The following MRPL45 variants were observed in gnomAD, a reference collection of about 807,000 sequenced individuals.
MRPL45 encodes large ribosomal subunit protein mL45.
In MRPL45, 20 loss-of-function variants were observed where a neutral mutation model predicts 38.1. The ratio of observed to expected loss-of-function variants is 0.53; its 90% CI spans 0.37 to 0.76. MRPL45 has a LOEUF of 0.76. MRPL45 is among the 30% of genes least tolerant of loss of function. The pLI is 0.00. For synonymous variants in MRPL45, 105 were observed against 128.8 expected (o/e 0.82, Z 1.25); for missense variants, 337 against 395.6 (o/e 0.85, Z 1.26).
chr17:38,314,300 C>T (rs2037153794), intron 4 of MRPL45, among the ~76,000 whole-genome samples: 1 of 152,116 alleles, frequency 6.6e-6, no homozygotes, highest in Non-Finnish European at 1.5e-5. Context: ...GACAGGGTTT[C>T]ACCATGTTGG....
chr17:38,299,548 G>T (rs1328861771), intron 3 of MRPL45, 80 bp downstream of exon 3: 2 of 1,114,974 alleles, frequency 1.8e-6, no homozygotes, highest in Non-Finnish European at 2.5e-6. Context: ...GACCTTTTTG[G>T]GTTAATTGGG....
chr17:38,314,996 C>T (rs535273874), intron 4 of MRPL45, among the ~76,000 whole-genome samples: 1 of 152,234 alleles, frequency 6.6e-6, no homozygotes, highest in Non-Finnish European at 1.5e-5. Context: ...TCACAGATTA[C>T]AGTTTTATAC....
At chr17:38,313,333 CATATATATATAT>C (rs1555562014) in intron 4 of MRPL45, among the ~76,000 whole-genome samples, 3 of 17,254 alleles carry the variant, frequency 1.7e-4, no homozygotes, top group African/African-American at 6.8e-4. Flanking sequence ...TATATATATA[CATATATATATAT>C]ACGTATATAT....
intron 3 of MRPL45, among the ~76,000 whole-genome samples, chr17:38,305,201 G>T (rs961487534): frequency 0.011 from 1,470 of 131,490 alleles, 31 homozygotes; most frequent in African/African-American, 0.036. Context: ...AGGTGCCATG[G>T]CTCAGGCCTG....
intron 4 of MRPL45, among the ~76,000 whole-genome samples, chr17:38,307,100 C>T (rs1416144869): frequency 5.3e-5 from 8 of 151,972 alleles, no homozygotes; most frequent in Non-Finnish European, 1.2e-4. Flanking sequence ...ATGGCGCAAT[C>T]TTGGCTCTCT....
intron 1 of MRPL45, among the ~76,000 whole-genome samples, chr17:38,297,824 G>C (rs1209105821): frequency 6.6e-6 from 1 of 152,182 alleles, no homozygotes; most frequent in East Asian, 1.9e-4. Context: ...AGGGCCCGGC[G>C]CGGTGGTTCA....
At chr17:38,317,674 C>T (rs929740403) in intron 4 of MRPL45, among the ~76,000 whole-genome samples, 5 of 151,946 alleles carry the variant, frequency 3.3e-5, no homozygotes, top group Admixed American at 6.6e-5. Context: ...CGGGTTCATG[C>T]CATTCTCCTG....
rs2144225686 is a variant in MRPL45, at chr17:38,313,243, A to G, written c.462-5444A>G. Among the ~76,000 whole-genome samples, 3 of 146,710 alleles carry G rather than the reference A, an allele frequency of 2.0e-5. No homozygotes were observed. In the Middle Eastern group the frequency reaches 0.011, roughly 520 times the overall value. ...CGTGATCCACCCGCCTTGGCCTCCCAAAGTGCTGGGATTACAGGCGTGAGC... is the reference window on the plus strand; with the variant it reads ...CGTGATCCACCCGCCTTGGCCTCCCGAAGTGCTGGGATTACAGGCGTGAGC... On this transcript the variant is annotated intron_variant, in intron 4 of 7. Coordinates refer to ENST00000613675, the MANE Select transcript of MRPL45 (RefSeq NM_032351.6).
In MRPL45 at chr17:38,320,662, T is replaced by C. The variant is rs1309553623; in HGVS notation, c.555T>C (p.Phe185=). ...DIKYKTVRWS[F]VESLEPSHVV... Reference sequence around the variant, plus strand: ...AATATAAGACCGTCCGCTGGAGCTTTGTGGAATCTTTAGAGCCCTCTCATG... The same window carrying C: ...AATATAAGACCGTCCGCTGGAGCTTCGTGGAATCTTTAGAGCCCTCTCATG... Residue 185 remains phenylalanine (F), a synonymous_variant, in exon 6 of 8, where the codon TTT becomes TTC. Transcript: ENST00000613675. The C allele has an allele frequency of 1.2e-6, 2 of 1,614,206 alleles. No individual in the cohort carries two copies. Among genetic ancestry groups the C allele is most frequent in the South Asian group, 2.2e-5 (2 of 91,084 alleles).
At chr17:38,301,658 T>G (rs1174845122) in intron 3 of MRPL45, among the ~76,000 whole-genome samples, 3 of 152,236 alleles carry the variant, frequency 2.0e-5, no homozygotes, top group African/African-American at 4.8e-5. Context: ...TCCTCTCATG[T>G]ATTTCTCTCC....
chr17:38,300,723 G>C (rs1257947639), intron 3 of MRPL45, among the ~76,000 whole-genome samples: 2 of 152,042 alleles, frequency 1.3e-5, no homozygotes, highest in Admixed American at 1.3e-4. Flanking sequence ...GAGGTGGGCG[G>C]ATCACCTGAG....
chr17:38,299,975 C>T (rs1182027113), intron 3 of MRPL45, among the ~76,000 whole-genome samples: 2 of 151,890 alleles, frequency 1.3e-5, no homozygotes, highest in African/African-American at 4.8e-5. Context: ...AACTCCTGAC[C>T]TCAGGAGGCC....
chr17:38,316,506 G>C (rs2037173887), intron 4 of MRPL45, among the ~76,000 whole-genome samples: 1 of 151,918 alleles, frequency 6.6e-6, no homozygotes. Flanking sequence ...CCTTAGGGGT[G>C]GTTTCTGTCA....
intron 5 of MRPL45, among the ~76,000 whole-genome samples, chr17:38,319,333 C>T (rs1018744105): frequency 3.3e-5 from 5 of 151,872 alleles, no homozygotes; most frequent in African/African-American, 4.8e-5. Context: ...CCGCACCTGG[C>T]CTAATTTTGT....
intron 3 of MRPL45, among the ~76,000 whole-genome samples, chr17:38,305,595 C>T (rs922398654): frequency 6.6e-6 from 1 of 150,916 alleles, no homozygotes; most frequent in Non-Finnish European, 1.5e-5. Flanking sequence ...CAAGTATTCT[C>T]CTGCCTCAGC....
chr17:38,309,344 GTC>G (rs1379656768), intron 4 of MRPL45, among the ~76,000 whole-genome samples: 1 of 150,742 alleles, frequency 6.6e-6, no homozygotes, highest in African/African-American at 2.4e-5. Context: ...GTGAAACCCT[GTC>G]TCTACTAAAA....
Position 38,322,503 on chromosome 17 carries a change from T to C in MRPL45, c.835-6T>C. 6.2e-7 allele frequency: 1 copy of C among 1,612,954 alleles called. No individual in the cohort carries two copies. Among genetic ancestry groups the C allele is most frequent in the Non-Finnish European group, 8.5e-7 (1 of 1,179,744 alleles). ...TGGTGGGTAACCTGGCGTCCTACTC[T>C]TTCAGACGGTGATGATCCCTGGCCC... On this transcript the variant is annotated splice_region_variant and splice_polypyrimidine_tract_variant and intron_variant, in intron 7 of 7. Transcript: ENST00000613675.
intron 3 of MRPL45, among the ~76,000 whole-genome samples, chr17:38,300,895 G>A (rs1260495576): frequency 1.4e-4 from 22 of 152,096 alleles, no homozygotes; most frequent in Middle Eastern, 3.2e-3. Flanking sequence ...GCGGTGAGCC[G>A]AGATCGTGCC....
rs34749623 is a variant in MRPL45 at position 38,322,567 on chromosome 17, G to T, written c.893G>T (p.Gly298Val). Residue 298 changes from glycine (G) to valine (V), a missense_variant, in exon 8 of 8, where the codon GGA (glycine) becomes GTA (valine). Gly to Val is a moderately radical substitution (Grantham distance 109, BLOSUM62 -3). Around this residue, in one of 3 missense-constraint regions of MRPL45, gnomAD observed 251 missense variants for 269.1 expected, o/e 0.93. Transcript: ENST00000613675. ...KPEEEYEEAQ[G>V]EAQKPQLA The stretch of plus-strand genomic sequence containing the variant: ...GAAGAAGAATATGAAGAGGCACAAG[G>T]AGAGGCCCAGAAGCCTCAGCTAGCC... The T allele has an allele frequency of 0.046, 74,254 of 1,613,076 alleles. 2,112 individuals carry two copies. The highest frequency in any genetic ancestry group is 0.17 in the Middle Eastern group (978 of 5,734).
Sources: allele counts gnomAD v4.1 joint callset (sites outside exome capture counted in the v4.1 genomes callset), GRCh38; gene constraint gnomAD v4.1.1; regional missense constraint gnomAD v4.1.1; transcripts MANE v1.5; gene names NCBI Gene and HGNC (gene_info 2026-07-23, HGNC 2026-07-21).